Variants in TRMT9B observed in about 807,000 individuals in gnomAD.
The protein encoded by TRMT9B is tRNA methyltransferase 9B (putative), also known as probable tRNA methyltransferase 9B.
In TRMT9B, 16 loss-of-function variants were observed where a neutral mutation model predicts 11.5. The observed-to-expected ratio is 1.39, with a 90% CI of 0.94 to 2.11. The LOEUF (loss-of-function observed/expected upper bound fraction) is 2.11, where lower values mean the gene tolerates loss of function less well. Among genes scored for constraint, TRMT9B ranks in the 30% most tolerant of loss-of-function variants. TRMT9B has a pLI of 0.00. For synonymous variants in TRMT9B, 274 were observed against 192.4 expected, an observed-to-expected ratio of 1.42 and a Z score of -3.51; for missense variants, 941 against 553.8, an observed-to-expected ratio of 1.70 and a Z score of -7.02.
At chr8:12,967,243 C>T (rs145114817) in intron 1 of TRMT9B, among the ~76,000 whole-genome samples, 144 of 152,266 alleles carry the variant, frequency 9.5e-4, no homozygotes, top group African/African-American at 3.3e-3. Context: ...AAGTTAAATA[C>T]CAGTGGGTTG....
chr8:12,999,972 T>C (rs1294327003), intron 2 of TRMT9B, among the ~76,000 whole-genome samples: 1 of 152,234 alleles, frequency 6.6e-6, no homozygotes, highest in Non-Finnish European at 1.5e-5. Flanking sequence ...CAAGTTGTCA[T>C]CTAATAAAAA....
In TRMT9B at chr8:13,005,565, G is replaced by C. The variant is rs189760568; in HGVS notation, c.-1-637G>C. On this transcript the variant is annotated intron_variant, in intron 2 of 4. Transcript: ENST00000524591. The stretch of plus-strand genomic sequence containing the variant: ...CTCCGTAAATATATACACCTACTAT[G>C]TACCCACAAAAATTAAAAATAAATA... Among the ~76,000 whole-genome samples the C allele has an allele frequency of 1.6e-3, 246 of 152,120 alleles. 1 individual carries two copies. Among genetic ancestry groups the C allele is most frequent in the Non-Finnish European group, 3.1e-3 (208 of 68,008 alleles).
intron 1 of TRMT9B, among the ~76,000 whole-genome samples, chr8:12,954,705 G>A (rs1801075410): frequency 6.6e-6 from 1 of 152,208 alleles, no homozygotes; most frequent in Non-Finnish European, 1.5e-5. Flanking sequence ...CCATTTAAAT[G>A]TCCTTCAGCT....
At position 13,027,603 on chromosome 8, in the gene TRMT9B, A is replaced by C. The variant is rs1361398600; in HGVS notation, c.*5559A>C. 6.0e-6 allele frequency: 1 copy of C among 167,088 alleles called. No homozygotes were observed. Among genetic ancestry groups the C allele is most frequent in the Non-Finnish European group, 1.5e-5 (1 of 68,128 alleles). The allele number at this position is 167,088 out of a possible 1,614,324, so 10.4% of individuals were successfully genotyped here. On this transcript the variant is annotated 3_prime_UTR_variant, in exon 5 of 5. Transcript: ENST00000524591. ...TTTCTGTTCTGCAATCTGCTATTTTAGACAAAGCTTTCATAAGAAATTACA... is the reference window on the plus strand; with the variant it reads ...TTTCTGTTCTGCAATCTGCTATTTTCGACAAAGCTTTCATAAGAAATTACA...
At chr8:12,975,582 C>CA (rs1254118620) in intron 1 of TRMT9B, among the ~76,000 whole-genome samples, 4 of 151,804 alleles carry the variant, frequency 2.6e-5, no homozygotes, top group Non-Finnish European at 4.4e-5. Context: ...ATTAAAAATA[C>CA]AAAAAATTAG....
chr8:12,996,333 A>C (rs1315082624), intron 2 of TRMT9B, among the ~76,000 whole-genome samples: 6 of 152,190 alleles, frequency 3.9e-5, no homozygotes. Context: ...GCCCTAACTG[A>C]AACAACTTCT....
At chr8:13,016,445 T>G (rs1166678248) in intron 4 of TRMT9B, among the ~76,000 whole-genome samples, 1 of 149,604 alleles carries the variant, frequency 6.7e-6, no homozygotes, top group Non-Finnish European at 1.5e-5. Context: ...TTCAATAGAC[T>G]GTCTCTCTTA....
intron 2 of TRMT9B, among the ~76,000 whole-genome samples, chr8:13,002,461 G>T (rs927099773): frequency 6.6e-6 from 1 of 152,136 alleles, no homozygotes; most frequent in Non-Finnish European, 1.5e-5. Flanking sequence ...TGTTTACTTC[G>T]TAAATTTCAG....
At chr8:12,983,604 A>G (rs962781716) in intron 1 of TRMT9B, among the ~76,000 whole-genome samples, 1 of 152,176 alleles carries the variant, frequency 6.6e-6, no homozygotes, top group Admixed American at 6.5e-5. Context: ...CAGGAGGCGG[A>G]GGTAGCAGTG....
At chr8:12,968,604 C>T (rs1045601701) in intron 1 of TRMT9B, among the ~76,000 whole-genome samples, 1 of 152,136 alleles carries the variant, frequency 6.6e-6, no homozygotes, top group African/African-American at 2.4e-5. Flanking sequence ...GAGCTGTGAG[C>T]CGATAGCCAC....
chr8:12,971,658 CA>C lies in TRMT9B; in HGVS notation c.-199-19173del, dbSNP rs200001354. 1.0e-3 allele frequency among the ~76,000 whole-genome samples: 156 copies of C among 152,138 alleles called. 2 individuals are homozygous for C. In the East Asian group the frequency reaches 0.018, roughly 18 times the overall value. On this transcript the variant is annotated intron_variant, in intron 1 of 4. Coordinates refer to ENST00000524591, the MANE Select transcript of TRMT9B (RefSeq NM_020844.3). ...GAGAAACAGTACTGACAAAAATTAG[CA>C]AACAAGAAAATGGGGGGCAGGGAAA...
chr8:13,005,979 G>A (rs1324551274), intron 2 of TRMT9B, among the ~76,000 whole-genome samples: 1 of 152,168 alleles, frequency 6.6e-6, no homozygotes, highest in Admixed American at 6.5e-5. Context: ...TCTCAAAATT[G>A]TTTTCCTTAA....
chr8:12,985,034 C>T (rs1263393438), intron 1 of TRMT9B, among the ~76,000 whole-genome samples: 1 of 151,904 alleles, frequency 6.6e-6, no homozygotes, highest in East Asian at 1.9e-4. Flanking sequence ...GTTCATTTCC[C>T]CTATTTCGTT....
chr8:13,023,646 A>T lies in TRMT9B; in HGVS notation c.*1602A>T, dbSNP rs1362287479. 6.0e-6 allele frequency: 1 copy of T among 167,094 alleles called. No individual in the cohort carries two copies. The highest frequency in any genetic ancestry group is 6.5e-5 in the Admixed American group (1 of 15,278). 10.4% of individuals were successfully genotyped at this position (167,094 alleles called of 1,614,324 possible). The stretch of plus-strand genomic sequence containing the variant: ...GTCTCAAGTAGTTCATTAATGAGAA[A>T]ATTGACATCTGACAAGAGTCTTTTT... On this transcript the variant is annotated 3_prime_UTR_variant, in exon 5 of 5. Transcript: ENST00000524591.
chr8:12,954,799 T>C (rs1257129495), intron 1 of TRMT9B, among the ~76,000 whole-genome samples: 1 of 152,188 alleles, frequency 6.6e-6, no homozygotes, highest in Non-Finnish European at 1.5e-5. Flanking sequence ...AGAGTTAACA[T>C]CATTCATTTT....
intron 1 of TRMT9B, among the ~76,000 whole-genome samples, chr8:12,963,508 G>C (rs1251351139): frequency 6.6e-6 from 1 of 152,192 alleles, no homozygotes; most frequent in Admixed American, 6.5e-5. Flanking sequence ...CTAGTGTTTT[G>C]GGAGGCAGAG....
chr8:12,987,092 TC>T (rs1001727889), intron 1 of TRMT9B, among the ~76,000 whole-genome samples: 4 of 152,194 alleles, frequency 2.6e-5, no homozygotes, highest in African/African-American at 4.8e-5. Context: ...CTTCCTTGCC[TC>T]CCTTTCTCCT....
rs186930707 is a variant in TRMT9B at position 13,012,770 on chromosome 8, C to T, written c.241C>T (p.Arg81Trp). The change falls in exon 4 of 5, where the codon CGG becomes TGG. Residue 81 changes from arginine (R) to tryptophan (W), a missense_variant. Coordinates refer to ENST00000524591, the MANE Select transcript of TRMT9B (RefSeq NM_020844.3). ...DYCGPLVEIA[R>W]NRGCEAMVCD... Reference sequence around the variant, plus strand: ...CTGTGGGCCACTGGTAGAGATTGCCCGGAATAGAGGATGTGAAGCCATGGT... The same window carrying T: ...CTGTGGGCCACTGGTAGAGATTGCCTGGAATAGAGGATGTGAAGCCATGGT... The T allele has an allele frequency of 1.9e-4, 314 of 1,613,836 alleles. No homozygotes were observed. In the African/African-American group the frequency reaches 3.9e-3, roughly 20 times the overall value.
Position 12,965,522 on chromosome 8 carries a change from C to A in TRMT9B, c.-200+19556C>A, listed in dbSNP as rs1802692750. 2.0e-5 allele frequency among the ~76,000 whole-genome samples: 3 copies of A among 152,158 alleles called. No homozygotes were observed. The South Asian group carries it at 6.2e-4, about 31-fold the overall frequency. On this transcript the variant is annotated intron_variant, in intron 1 of 4. Transcript: ENST00000524591. ...TGTGAGCTGTCAGTACAGGATGTCA[C>A]CAAACTCATTAGTCCAAAGCTGACC...
Sources: gnomAD v4.1 joint callset for allele counts (sites outside exome capture counted in the v4.1 genomes callset) on GRCh38, gnomAD v4.1.1 for gene constraint, MANE v1.5 for transcripts, NCBI Gene and HGNC (gene_info 2026-07-23, HGNC 2026-07-21) for gene names.